The following IGSF10 variants were observed in gnomAD, a reference collection of about 807,000 sequenced individuals.
The protein encoded by IGSF10 is immunoglobulin superfamily member 10, also known as calvaria mechanical force protein 608.
A neutral mutation model predicts 128.2 loss-of-function variants in IGSF10; 126 were observed. That is an observed-to-expected ratio of 0.98 (90% confidence interval 0.85 to 1.14). IGSF10 has a LOEUF of 1.14. Ranked by LOEUF, IGSF10 falls within the 50% of genes most tolerant of loss-of-function variation. The pLI, the probability that IGSF10 is intolerant of heterozygous loss-of-function variation, is 0.00. For synonymous variants in IGSF10, 1,185 were observed against 1,146.2 expected, an observed-to-expected ratio of 1.03 and a Z score of -0.68; for missense variants, 3,295 against 3,149.8, an observed-to-expected ratio of 1.05 and a Z score of -1.10.
At chr3:151,557,178 A>G in the IGSF10 span, among the ~76,000 whole-genome samples, 1 of 152,222 alleles carries the variant, frequency 6.6e-6, no homozygotes, top group Non-Finnish European at 1.5e-5. Flanking sequence ...GCACTTGTGC[A>G]TGGGAGTCAC....
At chr3:151,514,502 A>G in the IGSF10 span, among the ~76,000 whole-genome samples, 10 of 152,310 alleles carry the variant, frequency 6.6e-5, no homozygotes, top group African/African-American at 2.2e-4. Context: ...TAGACCTAAA[A>G]CCATAAAAAC....
At chr3:151,594,756 A>C in the IGSF10 span, among the ~76,000 whole-genome samples, 4 of 151,964 alleles carry the variant, frequency 2.6e-5, no homozygotes, top group African/African-American at 9.7e-5. Context: ...ATATTTCAAA[A>C]TAGCTAAAAG....
At chr3:151,574,093 G>C in the IGSF10 span, among the ~76,000 whole-genome samples, 1 of 152,182 alleles carries the variant, frequency 6.6e-6, no homozygotes, top group Admixed American at 6.5e-5. Flanking sequence ...TCTGCTTTTA[G>C]TCTGATGGGC....
chr3:151,615,813 G>A, the IGSF10 span, among the ~76,000 whole-genome samples: 3 of 152,092 alleles, frequency 2.0e-5, no homozygotes, highest in East Asian at 1.9e-4. Flanking sequence ...AATATTAACA[G>A]TAATTCTTAA....
the IGSF10 span, among the ~76,000 whole-genome samples, chr3:151,564,216 T>C: frequency 6.6e-6 from 1 of 152,186 alleles, no homozygotes; most frequent in African/African-American, 2.4e-5. Context: ...ATTAAATACA[T>C]ATTTTTAGGG....
chr3:151,532,175 G>A, the IGSF10 span, among the ~76,000 whole-genome samples: 1 of 152,140 alleles, frequency 6.6e-6, no homozygotes, highest in Non-Finnish European at 1.5e-5. Flanking sequence ...CTGAAATTGA[G>A]GCAGTAATTA....
chr3:151,554,607 T>C, the IGSF10 span, among the ~76,000 whole-genome samples: 1 of 152,218 alleles, frequency 6.6e-6, no homozygotes, highest in Non-Finnish European at 1.5e-5. Flanking sequence ...CTGAAGTGGT[T>C]ATAAAGTCAC....
At chr3:151,546,451 G>A in the IGSF10 span, among the ~76,000 whole-genome samples, 321 of 151,982 alleles carry the variant, frequency 2.1e-3, 1 homozygote, top group African/African-American at 7.2e-3. Context: ...GGGCTCAAGC[G>A]ATCCTCCCAC....
At chr3:151,477,841 C>A in the IGSF10 span, among the ~76,000 whole-genome samples, 2 of 152,174 alleles carry the variant, frequency 1.3e-5, no homozygotes, top group East Asian at 3.9e-4. Context: ...TCACAAGTCC[C>A]AACTCTGCTT....
chr3:151,447,531 G>A lies in IGSF10; in HGVS notation c.2450C>T (p.Pro817Leu). ...GGAGTCAGCAGTCACTGTCCTTGCTGGAAGGTTCAAAGCTTTAGTGGCCGG... is the reference window on the plus strand; with the variant it reads ...GGAGTCAGCAGTCACTGTCCTTGCTAGAAGGTTCAAAGCTTTAGTGGCCGG... ...MVPATKALNL[P>L]ARTVTADSRT... Residue 817 changes from proline to leucine, a missense_variant, in exon 6 of 8, where the codon CCA (proline) becomes CTA (leucine). Physicochemically the swap from Pro to Leu is moderately conservative, Grantham distance 98. Transcript: ENST00000282466. 2 of 1,614,146 alleles carry A rather than the reference G, an allele frequency of 1.2e-6. No individual in the cohort carries two copies. Among genetic ancestry groups the A allele is most frequent in the Non-Finnish European group, 1.7e-6 (2 of 1,180,022 alleles).
In IGSF10 at chr3:151,436,533, A is replaced by ATGCATTTATTTAC; in HGVS notation, c.*143_*155dup. ...AATAAATCAGTATCATCAGTTCATA[A>ATGCATTTATTTAC]TGCATTTATTTACAAGTCCTTTTAT... On this transcript the variant is annotated 3_prime_UTR_variant, in exon 8 of 8. Transcript: ENST00000282466. 1.7e-6 allele frequency: 1 copy of ATGCATTTATTTAC among 584,650 alleles called. No homozygotes were observed. Among genetic ancestry groups the ATGCATTTATTTAC allele is most frequent in the East Asian group, 2.9e-5 (1 of 35,062 alleles). The allele number at this position is 584,650 out of a possible 1,614,324, so 36.2% of individuals were successfully genotyped here. A position where few individuals can be genotyped will look rare whatever the true frequency, so the allele number is the denominator to read the frequency against.
At chr3:151,536,700 G>A in the IGSF10 span, among the ~76,000 whole-genome samples, 3 of 152,106 alleles carry the variant, frequency 2.0e-5, no homozygotes, top group East Asian at 3.9e-4. Flanking sequence ...TTGACTAGAG[G>A]CTAAAAAAGA....
At chr3:151,491,740 T>C in the IGSF10 span, among the ~76,000 whole-genome samples, 2 of 152,138 alleles carry the variant, frequency 1.3e-5, no homozygotes, top group East Asian at 3.8e-4. Flanking sequence ...AGAATATCAG[T>C]ATTTTCTTAA....
the IGSF10 span, among the ~76,000 whole-genome samples, chr3:151,565,519 C>T: frequency 0.015 from 2,337 of 152,208 alleles, 20 homozygotes; most frequent in South Asian, 0.057. Context: ...AAAGCCAGGC[C>T]TGCCTCCAGG....
chr3:151,436,631 T>A lies in IGSF10; in HGVS notation c.*58A>T. On this transcript the variant is annotated 3_prime_UTR_variant, in exon 8 of 8. Transcript: ENST00000282466. ...TTTACATGCCTATGGCTGCCTTTGA[T>A]TAAACTTCTTCCAAAAAATAAATTC... The A allele has an allele frequency of 7.8e-7, 1 of 1,275,840 alleles. No individual in the cohort carries two copies. Among genetic ancestry groups the A allele is most frequent in the Non-Finnish European group, 1.1e-6 (1 of 913,394 alleles). The allele number at this position is 1,275,840 out of a possible 1,614,324, so 79.0% of individuals were successfully genotyped here. A position where few individuals can be genotyped will look rare whatever the true frequency, so the allele number is the denominator to read the frequency against.
At chr3:151,432,883 A>T, downstream of IGSF10, 1 of 1,031,110 alleles carries the variant, frequency 9.7e-7, no homozygotes, top group Non-Finnish European at 1.4e-6. Context: ...TAGTCATCTT[A>T]AAAATGTCCC....
the IGSF10 span, among the ~76,000 whole-genome samples, chr3:151,510,760 A>G: frequency 6.6e-6 from 1 of 152,352 alleles, no homozygotes; most frequent in Non-Finnish European, 1.5e-5. Flanking sequence ...AATGCAGAGA[A>G]GTCCTTAAAG....
the IGSF10 span, among the ~76,000 whole-genome samples, chr3:151,562,187 G>A: frequency 6.6e-6 from 1 of 152,250 alleles, no homozygotes. Flanking sequence ...AGCCAAGGTG[G>A]GAATGAGAGT....
At chr3:151,559,635 A>G in the IGSF10 span, among the ~76,000 whole-genome samples, 1 of 152,176 alleles carries the variant, frequency 6.6e-6, no homozygotes, top group Non-Finnish European at 1.5e-5. Context: ...AGAGTCAAAT[A>G]AAAGAATTTT....
Sources: allele counts gnomAD v4.1 joint callset (sites outside exome capture counted in the v4.1 genomes callset), GRCh38; gene constraint gnomAD v4.1.1; transcripts MANE v1.5; gene names NCBI Gene and HGNC (gene_info 2026-07-23, HGNC 2026-07-21).